SMG6: variants seen among roughly 807,000 people sequenced by gnomAD.
SMG6 encodes the protein telomerase-binding protein EST1A.
A neutral mutation model predicts 142.2 loss-of-function variants in SMG6; 66 were observed. The ratio of observed to expected loss-of-function variants is 0.46; its 90% CI spans 0.38 to 0.57. The LOEUF is 0.57. Among genes scored for constraint, SMG6 ranks in the 20% least tolerant of loss-of-function variants. The probability of loss-of-function intolerance (pLI) is 0.00; values close to 1 mark genes in which losing one functional copy is unlikely to be tolerated. For missense variants in SMG6, 1,793 were observed against 1,832.0 expected, an observed-to-expected ratio of 0.98 and a Z score of 0.39; for synonymous variants, 779 against 702.4, an observed-to-expected ratio of 1.11 and a Z score of -1.72.
At chr17:2,161,298 T>A (rs2071170030) in intron 13 of SMG6, among the ~76,000 whole-genome samples, 1 of 152,018 alleles carries the variant, frequency 6.6e-6, no homozygotes, top group African/African-American at 2.4e-5. Context: ...GAGATGGGGT[T>A]TCATCATGTT....
At chr17:2,153,108 G>C (rs1328284120) in intron 13 of SMG6, among the ~76,000 whole-genome samples, 1 of 152,196 alleles carries the variant, frequency 6.6e-6, no homozygotes, top group African/African-American at 2.4e-5. Context: ...TCCAACCCGT[G>C]GCCCACGCAG....
chr17:2,122,725 C>T (rs112990736), intron 13 of SMG6, among the ~76,000 whole-genome samples: 4 of 152,296 alleles, frequency 2.6e-5, no homozygotes, highest in African/African-American at 9.6e-5. Context: ...CATATACTGG[C>T]TTAAAACCTC....
At chr17:2,109,781 C>G (rs1212628309) in intron 13 of SMG6, among the ~76,000 whole-genome samples, 1 of 151,762 alleles carries the variant, frequency 6.6e-6, no homozygotes, top group African/African-American at 2.4e-5. Flanking sequence ...CTATATACAC[C>G]CTAAACTTTA....
chr17:2,164,531 C>T (rs1297399099), intron 13 of SMG6, among the ~76,000 whole-genome samples: 2 of 152,026 alleles, frequency 1.3e-5, no homozygotes, highest in East Asian at 3.9e-4. Flanking sequence ...TCACTTGAAC[C>T]CAGGAGGTGG....
At chr17:2,273,931 T>C (rs2074594544) in intron 8 of SMG6, among the ~76,000 whole-genome samples, 9 of 152,252 alleles carry the variant, frequency 5.9e-5, no homozygotes, top group Admixed American at 5.2e-4. Context: ...TCAGTGTTTG[T>C]GGTGAATTTA....
chr17:2,142,887 T>TCA (rs1216322959), intron 13 of SMG6, among the ~76,000 whole-genome samples: 1 of 28,720 alleles, frequency 3.5e-5, no homozygotes, highest in Non-Finnish European at 6.1e-5. Flanking sequence ...AAACACTGTC[T>TCA]CAAAAAAAAA....
intron 10 of SMG6, among the ~76,000 whole-genome samples, chr17:2,226,346 C>T (rs1396991191): frequency 6.6e-6 from 1 of 151,678 alleles, no homozygotes; most frequent in Non-Finnish European, 1.5e-5. Flanking sequence ...TCTGGGAGGC[C>T]AAAGTGGGTG....
chr17:2,288,765 T>C (rs970677310), intron 6 of SMG6, among the ~76,000 whole-genome samples: 2 of 151,108 alleles, frequency 1.3e-5, no homozygotes, highest in Admixed American at 6.6e-5. Context: ...ATCCCGTCTC[T>C]ACAAAAAATA....
At chr17:2,106,640 A>G (rs759367077) in intron 13 of SMG6, among the ~76,000 whole-genome samples, 6 of 152,186 alleles carry the variant, frequency 3.9e-5, no homozygotes, top group Non-Finnish European at 5.9e-5. Flanking sequence ...CCAGCCGATT[A>G]TGAGAGAGGG....
At chr17:2,194,611 G>C (rs905466209) in intron 10 of SMG6, among the ~76,000 whole-genome samples, 1 of 151,966 alleles carries the variant, frequency 6.6e-6, no homozygotes, top group Non-Finnish European at 1.5e-5. Flanking sequence ...ACTTTGGGAT[G>C]CTGAGGCAGG....
In SMG6 at chr17:2,088,672, T is replaced by C. The variant is rs374897576; in HGVS notation, c.3358-2771A>G. On this transcript the variant is annotated intron_variant, in intron 13 of 18. Transcript: ENST00000263073. Reference sequence around the variant, plus strand: ...TTTGCAATCCAAGCAGCAGGGAGGATGGTCAAAGCTGTGTAAAGTGTACTG... The same window carrying C: ...TTTGCAATCCAAGCAGCAGGGAGGACGGTCAAAGCTGTGTAAAGTGTACTG... 2.2e-4 allele frequency: 221 copies of C among 985,384 alleles called. 2 individuals are homozygous for C. The African/African-American group carries it at 3.6e-3, about 16-fold the overall frequency. 61.0% of individuals were successfully genotyped at this position (985,384 alleles called of 1,614,324 possible). A position where few individuals can be genotyped will look rare whatever the true frequency, so the allele number is the denominator to read the frequency against.
At chr17:2,270,362 C>G (rs1364503071) in intron 8 of SMG6, among the ~76,000 whole-genome samples, 1 of 152,110 alleles carries the variant, frequency 6.6e-6, no homozygotes, top group East Asian at 1.9e-4. Context: ...GTAATCCTAG[C>G]ACTTTGGGAG....
intron 10 of SMG6, chr17:2,235,797 A>G (rs1287821483): frequency 4.6e-5 from 7 of 152,642 alleles, no homozygotes; most frequent in African/African-American, 1.7e-4. Context: ...GAATCCTGGT[A>G]ACATCCTTTG....
In SMG6 at chr17:2,299,845, G is replaced by C. The variant is rs1567763858; in HGVS notation, c.908C>G (p.Ser303Cys). Reference protein sequence around the residue: ...KKQVSVSSTDSLDEDRIDEPD... With the variant: ...KKQVSVSSTDCLDEDRIDEPD... ...CTCATCAATTCTGTCCTCGTCTAAG[G>C]AATCGGTTGAGGACACAGACACTTG... The change falls in exon 2 of 19, where the codon TCC becomes TGC. Residue 303 changes from serine to cysteine, a missense_variant. Physicochemically the swap from Ser to Cys is moderately radical, Grantham distance 112. Around this residue, in one of 3 missense-constraint regions of SMG6, gnomAD observed 1,597 missense variants for 1,584.6 expected, o/e 1.01. Coordinates refer to ENST00000263073, the MANE Select transcript of SMG6 (RefSeq NM_017575.5). The surrounding 1 kb of genome is among the most constrained non-coding windows in gnomAD (Gnocchi z 4.3). 6.2e-7 allele frequency: 1 copy of C among 1,613,970 alleles called. No homozygotes were observed. The highest frequency in any genetic ancestry group is 8.5e-7 in the Non-Finnish European group (1 of 1,179,972).
chr17:2,144,256 G>A (rs1351860740), intron 13 of SMG6, among the ~76,000 whole-genome samples: 1 of 151,708 alleles, frequency 6.6e-6, no homozygotes, highest in Non-Finnish European at 1.5e-5. Flanking sequence ...ACGGGGTTTC[G>A]CCTTGTTGAC....
chr17:2,303,366 G>A (rs995883008), intron 1 of SMG6: 8 of 1,218,996 alleles, frequency 6.6e-6, no homozygotes, highest in South Asian at 7.3e-5. Flanking sequence ...TGGGGCAAAA[G>A]GAACAGTCAC....
Position 2,185,383 on chromosome 17 carries a change from G to A in SMG6, c.3155+1280C>T, listed in dbSNP as rs568586400. 7.2e-5 allele frequency among the ~76,000 whole-genome samples: 11 copies of A among 152,026 alleles called. No individual in the cohort carries two copies. The South Asian group carries it at 1.0e-3, about 14-fold the overall frequency. ...CGGACACAACCCAGACACAGATATA[G>A]ACAAAGATAAAAGAAGTAACCATAT... On this transcript the variant is annotated intron_variant, in intron 12 of 18. Transcript: ENST00000263073.
intron 9 of SMG6, chr17:2,237,341 T>C (rs2073691195): frequency 4.7e-6 from 1 of 210,900 alleles, no homozygotes; most frequent in Non-Finnish European, 8.2e-6. Flanking sequence ...GTGCTGGGAT[T>C]ACAGGCATGA....
chr17:2,238,968 G>T (rs1290552530), intron 9 of SMG6, among the ~76,000 whole-genome samples: 1 of 151,250 alleles, frequency 6.6e-6, no homozygotes, highest in East Asian at 1.9e-4. Flanking sequence ...AACCAGCCTT[G>T]TTCAGCAGTA....
Sources: gnomAD v4.1 joint callset for allele counts (sites outside exome capture counted in the v4.1 genomes callset) on GRCh38, gnomAD v4.1.1 for gene constraint, gnomAD v4.1.1 regional missense constraint, Gnocchi (gnomAD v3.1) non-coding constraint, MANE v1.5 for transcripts, NCBI Gene and HGNC (gene_info 2026-07-23, HGNC 2026-07-21) for gene names.